Variants in ASAP2 observed in about 807,000 individuals in gnomAD.
ASAP2 encodes the protein arf-GAP with SH3 domain, ANK repeat and PH domain-containing protein 2.
Under a neutral mutation model 131.4 loss-of-function variants are expected in ASAP2, and 45 were observed. The ratio of observed to expected loss-of-function variants is 0.34; its 90% CI spans 0.27 to 0.44. The LOEUF is 0.44. ASAP2 is among the 20% of genes least tolerant of loss of function. The pLI is 1.00. For synonymous variants in ASAP2, 510 were observed against 503.0 expected (o/e 1.01, Z -0.19); for missense variants, 1,011 against 1,297.0 (o/e 0.78, Z 3.39).
chr2:9,238,818 A>G (rs998458033), intron 1 of ASAP2, among the ~76,000 whole-genome samples: 10 of 152,198 alleles, frequency 6.6e-5, no homozygotes, highest in Non-Finnish European at 1.3e-4. Flanking sequence ...CCCTCTTGCT[A>G]ACCTGACTGA....
chr2:9,302,058 C>T (rs374070675), intron 3 of ASAP2, among the ~76,000 whole-genome samples: 11 of 148,888 alleles, frequency 7.4e-5, no homozygotes, highest in African/African-American at 2.2e-4. Context: ...CTCCTGACCT[C>T]GTGATCCACC....
chr2:9,372,781 G>A (rs965302410), intron 16 of ASAP2, among the ~76,000 whole-genome samples: 3 of 151,950 alleles, frequency 2.0e-5, no homozygotes, highest in East Asian at 3.9e-4. Context: ...ACAGGACCCC[G>A]TCCCACTGTG....
intron 3 of ASAP2, among the ~76,000 whole-genome samples, chr2:9,298,868 T>C (rs1287713835): frequency 6.6e-6 from 1 of 152,080 alleles, no homozygotes; most frequent in African/African-American, 2.4e-5. Flanking sequence ...GCCTCCAGCA[T>C]GAGGGAGACC....
intron 1 of ASAP2, among the ~76,000 whole-genome samples, chr2:9,223,216 A>G (rs1372098078): frequency 2.0e-5 from 3 of 152,196 alleles, no homozygotes; most frequent in African/African-American, 2.4e-5. Context: ...TTCTATAGCA[A>G]TGTTGGAAGG....
intron 15 of ASAP2, among the ~76,000 whole-genome samples, chr2:9,361,733 A>G (rs750242604): frequency 2.6e-5 from 4 of 151,880 alleles, no homozygotes; most frequent in African/African-American, 4.8e-5. Flanking sequence ...ACGCCTGGCT[A>G]AGTTTTGCAT....
chr2:9,361,504 C>T (rs955139055), intron 15 of ASAP2, among the ~76,000 whole-genome samples: 5 of 152,264 alleles, frequency 3.3e-5, no homozygotes, highest in African/African-American at 1.2e-4. Flanking sequence ...TTGGAAATTT[C>T]AAGGCTTCTT....
At chr2:9,365,659 T>A (rs933060117) in intron 15 of ASAP2, among the ~76,000 whole-genome samples, 1 of 152,174 alleles carries the variant, frequency 6.6e-6, no homozygotes, top group Non-Finnish European at 1.5e-5. Context: ...CTCCCCCGTA[T>A]GGTGAGTGCC....
At chr2:9,369,632 C>G (rs746508837) in intron 16 of ASAP2, among the ~76,000 whole-genome samples, 2 of 152,148 alleles carry the variant, frequency 1.3e-5, no homozygotes, top group African/African-American at 2.4e-5. Context: ...GAGGCTGGGT[C>G]AGCGTGTCCT....
chr2:9,403,292 T>G lies in ASAP2; in HGVS notation c.2986T>G (p.Phe996Val), dbSNP rs1676909818. 6.2e-7 allele frequency: 1 copy of G among 1,614,198 alleles called. No individual in the cohort carries two copies. Among genetic ancestry groups the G allele is most frequent in the Non-Finnish European group, 8.5e-7 (1 of 1,180,018 alleles). The change falls in exon 28 of 28, where the codon TTC becomes GTC. Residue 996 changes from phenylalanine to valine, a missense_variant. By Grantham distance (50) the Phe-to-Val change is conservative. Around this residue, in one of 2 missense-constraint regions of ASAP2, gnomAD observed 652 missense variants for 698.9 expected, o/e 0.93. Coordinates refer to ENST00000281419, the MANE Select transcript of ASAP2 (RefSeq NM_003887.3). ...IDGDPGRKGA[F>V]PVSFVHFIAD The stretch of plus-strand genomic sequence containing the variant: ...TGGAGATCCTGGTCGCAAAGGCGCA[T>G]TCCCGGTGTCATTTGTGCACTTTAT...
chr2:9,283,048 T>C (rs1667236529), intron 2 of ASAP2, among the ~76,000 whole-genome samples: 1 of 152,092 alleles, frequency 6.6e-6, no homozygotes, highest in Non-Finnish European at 1.5e-5. Flanking sequence ...AGCGTAGCCC[T>C]CTTTGACTCT....
At chr2:9,270,681 A>G (rs1666285067) in intron 1 of ASAP2, among the ~76,000 whole-genome samples, 1 of 148,610 alleles carries the variant, frequency 6.7e-6, no homozygotes. Context: ...CTGTCCACCT[A>G]TATTTTTGTA....
At chr2:9,292,256 G>A (rs1206126758) in intron 2 of ASAP2, among the ~76,000 whole-genome samples, 1 of 152,106 alleles carries the variant, frequency 6.6e-6, no homozygotes. Context: ...AACAGAGAAA[G>A]TAGGCTGGGC....
intron 1 of ASAP2, among the ~76,000 whole-genome samples, chr2:9,228,594 TC>T (rs1388151479): frequency 6.6e-6 from 1 of 152,186 alleles, no homozygotes; most frequent in East Asian, 1.9e-4. Context: ...GCCCCCATCT[TC>T]CTGAGCAGAG....
intron 25 of ASAP2, 63 bp from the exon 26 acceptor site, chr2:9,400,679 T>G: frequency 7.1e-7 from 1 of 1,417,600 alleles, no homozygotes; most frequent in Non-Finnish European, 1.0e-6. Flanking sequence ...GGCTTGTACA[T>G]TGTTTACATC....
At chr2:9,313,030 G>A (rs1291822748) in intron 3 of ASAP2, among the ~76,000 whole-genome samples, 1 of 152,142 alleles carries the variant, frequency 6.6e-6, no homozygotes, top group South Asian at 2.1e-4. Flanking sequence ...CTGCACACCC[G>A]CCTGGGCAAC....
In ASAP2 at chr2:9,284,278, T is replaced by C. The variant is rs141770269; in HGVS notation, c.199+4889T>C. 1.3e-3 allele frequency among the ~76,000 whole-genome samples: 200 copies of C among 152,328 alleles called. 2 individuals are homozygous for C. Among genetic ancestry groups the C allele is most frequent in the African/African-American group, 4.3e-3 (179 of 41,560 alleles). ...GGAGGTTGAATCAGTTTCCACTGTT[T>C]TGTTCAGCTACAAATTAAAGGGTAC... is the stretch of plus-strand genomic sequence containing the variant. On this transcript the variant is annotated intron_variant, in intron 2 of 27. Transcript: ENST00000281419.
chr2:9,383,205 A>T (rs1016174713), intron 20 of ASAP2, among the ~76,000 whole-genome samples: 1 of 151,976 alleles, frequency 6.6e-6, no homozygotes, highest in Non-Finnish European at 1.5e-5. Context: ...CAGTCTTAGG[A>T]TATGTTATCT....
At chr2:9,379,859 G>C (rs1051115006) in intron 19 of ASAP2, among the ~76,000 whole-genome samples, 3 of 151,998 alleles carry the variant, frequency 2.0e-5, no homozygotes, top group Non-Finnish European at 4.4e-5. Flanking sequence ...GGGTATGGTG[G>C]CGCGCACCTG....
rs889200685 is a variant in ASAP2 at position 9,345,536 on chromosome 2, T to C, written c.1023+736T>C. 7.2e-5 allele frequency among the ~76,000 whole-genome samples: 11 copies of C among 152,302 alleles called. No homozygotes were observed. The South Asian group carries it at 1.0e-3, about 14-fold the overall frequency. On this transcript the variant is annotated intron_variant, in intron 11 of 27. Transcript: ENST00000281419. Reference sequence around the variant, plus strand: ...TTGCCTCACCTGGCATGACTAGAGCTGGTGATAACCACATGGGCTGGTAGA... The same window carrying C: ...TTGCCTCACCTGGCATGACTAGAGCCGGTGATAACCACATGGGCTGGTAGA...
Sources: allele counts gnomAD v4.1 joint callset (sites outside exome capture counted in the v4.1 genomes callset), GRCh38; gene constraint gnomAD v4.1.1; regional missense constraint gnomAD v4.1.1; transcripts MANE v1.5; gene names NCBI Gene and HGNC (gene_info 2026-07-23, HGNC 2026-07-21).